Variants in PHF20 observed in about 807,000 individuals in gnomAD.
The protein encoded by PHF20 is glioma-expressed antigen 2.
Under a neutral mutation model 113.5 loss-of-function variants are expected in PHF20, and 23 were observed. The observed-to-expected ratio is 0.20, with a 90% CI of 0.15 to 0.29. PHF20 has a LOEUF of 0.29. Among genes scored for constraint, PHF20 ranks in the 10% least tolerant of loss-of-function variants. The probability of loss-of-function intolerance (pLI) is 1.00; values close to 1 mark genes in which losing one functional copy is unlikely to be tolerated. For synonymous variants in PHF20, 434 were observed against 457.3 expected (o/e 0.95, Z 0.65); for missense variants, 943 against 1,219.6 (o/e 0.77, Z 3.38).
chr20:35,887,977 C>CTTTT (rs1173881486), intron 9 of PHF20, among the ~76,000 whole-genome samples: 1 of 137,270 alleles, frequency 7.3e-6, no homozygotes. Flanking sequence ...TTAGGGTTAC[C>CTTTT]TTTTTTTTTT....
intron 1 of PHF20, chr20:35,782,582 A>G (rs1016352746): frequency 6.6e-6 from 1 of 152,112 alleles, no homozygotes; most frequent in African/African-American, 2.4e-5. Flanking sequence ...CCTGGCCAAG[A>G]GGTCACTTTT....
chr20:35,847,459 T>A, intron 4 of PHF20, 25 bp downstream of exon 4: 1 of 1,487,776 alleles, frequency 6.7e-7, no homozygotes, highest in South Asian at 1.1e-5. Context: ...TTGTAGTTGT[T>A]TTTACTCATG....
chr20:35,899,992 C>T (rs1227470953), intron 10 of PHF20, among the ~76,000 whole-genome samples: 4 of 152,164 alleles, frequency 2.6e-5, no homozygotes, highest in Non-Finnish European at 4.4e-5. Context: ...CTCTCCCAAA[C>T]CTGTGCGTTT....
intron 2 of PHF20, among the ~76,000 whole-genome samples, chr20:35,830,049 G>T (rs2042331830): frequency 6.6e-6 from 1 of 152,138 alleles, no homozygotes; most frequent in Non-Finnish European, 1.5e-5. Flanking sequence ...AAGTAGCTGG[G>T]GCTACAGGCG....
chr20:35,803,879 G>A (rs2041831810), intron 2 of PHF20, among the ~76,000 whole-genome samples: 1 of 151,656 alleles, frequency 6.6e-6, no homozygotes, highest in African/African-American at 2.4e-5. Flanking sequence ...CCCTGATATA[G>A]GGTCTTACTC....
chr20:35,801,614 A>G lies in PHF20; in HGVS notation c.83+9A>G. The G allele has an allele frequency of 6.3e-7, 1 of 1,594,518 alleles. No individual in the cohort carries two copies. Among genetic ancestry groups the G allele is most frequent in the South Asian group, 1.1e-5 (1 of 90,508 alleles). ...GACCGTTTAAAAAACTGGTACTTTT[A>G]CATTTTTCTGTTAATTAAAGCCCTT... On this transcript the variant is annotated intron_variant, in intron 2 of 17. Transcript: ENST00000374012.
chr20:35,863,210 G>T lies in PHF20; in HGVS notation c.618G>T (p.Gly206=). ...GAAAGTTAATCTGTTCTGAAAAGGG[G>T]AAAGTGTCAGAGAAAAGTCTTCCCA... ...KEGKLICSEK[G]KVSEKSLPKN... The change falls in exon 6 of 18, where the codon GGG becomes GGT. Residue 206 remains glycine (G), a synonymous_variant. Coordinates refer to ENST00000374012, the MANE Select transcript of PHF20 (RefSeq NM_016436.5). The T allele has an allele frequency of 1.9e-6, 3 of 1,613,952 alleles. No homozygotes were observed. The highest frequency in any genetic ancestry group is 1.7e-6 in the Non-Finnish European group (2 of 1,179,984).
At chr20:35,829,049 A>G (rs1364714077) in intron 2 of PHF20, among the ~76,000 whole-genome samples, 1 of 152,078 alleles carries the variant, frequency 6.6e-6, no homozygotes, top group Non-Finnish European at 1.5e-5. Flanking sequence ...GCTCACTCAC[A>G]GGGCTGGCAA....
intron 2 of PHF20, among the ~76,000 whole-genome samples, chr20:35,839,220 G>C (rs769870930): frequency 6.6e-6 from 1 of 151,250 alleles, no homozygotes; most frequent in Admixed American, 6.6e-5. Flanking sequence ...GAAACCTCGT[G>C]TCTACTAAAA....
chr20:35,798,162 C>T (rs367842979), intron 1 of PHF20, among the ~76,000 whole-genome samples: 1 of 152,054 alleles, frequency 6.6e-6, no homozygotes, highest in South Asian at 2.1e-4. Context: ...CCTCTAATTC[C>T]AGCACTTTGG....
rs1263060057 is a variant in PHF20 at position 35,903,078 on chromosome 20, T to TTTC, written c.1561+3432_1561+3433insCTT. 8.7e-5 allele frequency among the ~76,000 whole-genome samples: 6 copies of TTTC among 68,974 alleles called. 1 individual carries two copies. The highest frequency in any genetic ancestry group is 6.0e-4 in the African/African-American group (4 of 6,638). 45.2% of individuals were successfully genotyped at this position (68,974 alleles called of 152,430 possible). The stretch of plus-strand genomic sequence containing the variant: ...CTTTCCTTTCCTTTCCTATCCTTTC[T>TTTC]TTTTTTTTTTTTTTTTTGAGTAATT... On this transcript the variant is annotated intron_variant, in intron 10 of 17. Coordinates refer to ENST00000374012, the MANE Select transcript of PHF20 (RefSeq NM_016436.5).
At chr20:35,874,118 T>A (rs1568686866) in intron 9 of PHF20, among the ~76,000 whole-genome samples, 1 of 152,186 alleles carries the variant, frequency 6.6e-6, no homozygotes, top group Non-Finnish European at 1.5e-5. Flanking sequence ...ATTACAGGCA[T>A]GTGCCACCAC....
chr20:35,802,323 C>T (rs529218299), intron 2 of PHF20, among the ~76,000 whole-genome samples: 1 of 151,566 alleles, frequency 6.6e-6, no homozygotes, highest in African/African-American at 2.4e-5. Context: ...GTGGGGTTTT[C>T]AGAACTTATA....
At chr20:35,844,206 G>A (rs531964131) in intron 3 of PHF20, among the ~76,000 whole-genome samples, 5 of 151,794 alleles carry the variant, frequency 3.3e-5, no homozygotes, top group Middle Eastern at 3.4e-3. Context: ...GGGTTCAAGC[G>A]ATTCCCCTGC....
chr20:35,859,696 C>T (rs1007004861), intron 5 of PHF20, among the ~76,000 whole-genome samples: 10 of 152,108 alleles, frequency 6.6e-5, no homozygotes, highest in African/African-American at 1.7e-4. Context: ...AGGCGCGTGC[C>T]ACCACGCCCG....
Position 35,950,150 on chromosome 20 carries a change from A to G in PHF20, c.*2523A>G, listed in dbSNP as rs763328341. The G allele has an allele frequency of 1.3e-5, 2 of 152,690 alleles. No individual in the cohort carries two copies. Among genetic ancestry groups the G allele is most frequent in the Non-Finnish European group, 2.9e-5 (2 of 68,042 alleles). The allele number at this position is 152,690 out of a possible 1,614,324, so 9.5% of individuals were successfully genotyped here. On this transcript the variant is annotated 3_prime_UTR_variant, in exon 18 of 18. Transcript: ENST00000374012. ...ACCTATAAAAAATTACCTTGACAAA[A>G]ATAGTTCCGGTTTGACTAATCATTT... is the stretch of plus-strand genomic sequence containing the variant.
intron 4 of PHF20, among the ~76,000 whole-genome samples, chr20:35,848,523 TTA>T (rs1474061987): frequency 6.6e-6 from 1 of 152,032 alleles, no homozygotes; most frequent in East Asian, 1.9e-4. Context: ...AGTTTTGGGA[TTA>T]TAAGCGTGAG....
chr20:35,921,614 T>G (rs2055513382), intron 13 of PHF20, among the ~76,000 whole-genome samples: 1 of 151,532 alleles, frequency 6.6e-6, no homozygotes, highest in African/African-American at 2.4e-5. Context: ...AGCCTGGGAG[T>G]TCAAGGCTGC....
intron 9 of PHF20, among the ~76,000 whole-genome samples, chr20:35,880,980 A>AT (rs1555796782): frequency 1.3e-5 from 2 of 149,308 alleles, no homozygotes; most frequent in South Asian, 2.1e-4. Flanking sequence ...AAAATTAAAA[A>AT]TTTTTTTTTA....
Sources: allele counts gnomAD v4.1 joint callset (sites outside exome capture counted in the v4.1 genomes callset), GRCh38; gene constraint gnomAD v4.1.1; transcripts MANE v1.5; gene names NCBI Gene and HGNC (gene_info 2026-07-23, HGNC 2026-07-21).